The following ALMS1 variants were observed in gnomAD, a reference collection of about 807,000 sequenced individuals.
ALMS1 encodes the protein centrosome-associated protein ALMS1.
ALMS1 carries 271 observed loss-of-function variants against 352.2 expected under a neutral mutation model. The ratio of observed to expected loss-of-function variants is 0.77; its 90% CI spans 0.70 to 0.85. The LOEUF (loss-of-function observed/expected upper bound fraction) is 0.85. ALMS1 is among the 40% of genes least tolerant of loss of function. The pLI is 0.00. For missense variants in ALMS1, 5,445 were observed against 4,870.7 expected (o/e 1.12, Z -3.51); for synonymous variants, 1,865 against 1,761.2 (o/e 1.06, Z -1.48).
At chr2:73,567,776 A>T (rs770870304) in intron 15 of ALMS1, among the ~76,000 whole-genome samples, 4 of 152,210 alleles carry the variant, frequency 2.6e-5, no homozygotes, top group Non-Finnish European at 5.9e-5. Context: ...TAAAAAAGAG[A>T]TCATAAAAGT....
intron 10 of ALMS1, among the ~76,000 whole-genome samples, chr2:73,513,369 T>C (rs532743164): frequency 1.3e-5 from 2 of 152,250 alleles, no homozygotes; most frequent in South Asian, 4.1e-4. Context: ...ATGGATTTCT[T>C]CCTCATGCTG....
At chr2:73,443,515 A>G (rs1324770221) in intron 7 of ALMS1, among the ~76,000 whole-genome samples, 1 of 152,108 alleles carries the variant, frequency 6.6e-6, no homozygotes, top group Admixed American at 6.5e-5. Context: ...CTCCTTACAT[A>G]TGTTGCTATA....
At chr2:73,544,808 G>A (rs1200222585) in intron 12 of ALMS1, among the ~76,000 whole-genome samples, 1 of 152,176 alleles carries the variant, frequency 6.6e-6, no homozygotes, top group Non-Finnish European at 1.5e-5. Context: ...ACAACCCAAT[G>A]TCTATTGATC....
intron 7 of ALMS1, among the ~76,000 whole-genome samples, chr2:73,434,727 T>TC (rs1424997116): frequency 9.2e-5 from 14 of 152,232 alleles, no homozygotes; most frequent in African/African-American, 2.7e-4. Flanking sequence ...TCCCCTTTTT[T>TC]CTCTCAGATT....
intron 16 of ALMS1, 173 bp downstream of exon 16, chr2:73,573,597 T>C: frequency 1.4e-6 from 1 of 727,634 alleles, no homozygotes; most frequent in Non-Finnish European, 2.4e-6. Context: ...TGAGTTGTCA[T>C]TATTTTCATC....
rs148044176 is a variant in ALMS1, at chr2:73,572,694, G to T, written c.10817G>T (p.Arg3606Leu). 2 of 1,613,994 alleles carry T rather than the reference G, an allele frequency of 1.2e-6. No homozygotes were observed. The highest frequency in any genetic ancestry group is 4.5e-5 in the East Asian group (2 of 44,868). Reference sequence around the variant, plus strand: ...TTGAATGAACTGTGGAACAAGTATCGGGAGCGACAGAGGCAACAGAGACAG... The same window carrying T: ...TTGAATGAACTGTGGAACAAGTATCTGGAGCGACAGAGGCAACAGAGACAG... ...VSLNELWNKY[R>L]ERQRQQRQPE... Residue 3606 changes from arginine to leucine, a missense_variant, in exon 16 of 23, where the codon CGG becomes CTG. Coordinates refer to ENST00000613296, the MANE Select transcript of ALMS1 (RefSeq NM_001378454.1).
intron 11 of ALMS1, among the ~76,000 whole-genome samples, chr2:73,523,097 C>A (rs1309571433): frequency 1.3e-5 from 2 of 152,084 alleles, no homozygotes; most frequent in Admixed American, 1.3e-4. Flanking sequence ...TTGTTTGTTC[C>A]CAAATGCATG....
chr2:73,510,782 G>A (rs1031973577), intron 10 of ALMS1, among the ~76,000 whole-genome samples: 1 of 152,214 alleles, frequency 6.6e-6, no homozygotes, highest in Non-Finnish European at 1.5e-5. Context: ...CTGGCAGGCA[G>A]GAACGTTTAA....
intron 16 of ALMS1, among the ~76,000 whole-genome samples, chr2:73,575,217 A>T (rs534494071): frequency 6.6e-6 from 1 of 152,138 alleles, no homozygotes; most frequent in Non-Finnish European, 1.5e-5. Flanking sequence ...AATAGAATTG[A>T]TATAGAACGT....
chr2:73,584,839 T>C (rs1408693720), intron 16 of ALMS1, among the ~76,000 whole-genome samples: 1 of 151,864 alleles, frequency 6.6e-6, no homozygotes, highest in Non-Finnish European at 1.5e-5. Flanking sequence ...TTCCTTTGTA[T>C]CCTCATAACT....
chr2:73,532,873 C>T (rs1478529953), intron 11 of ALMS1, among the ~76,000 whole-genome samples: 2 of 152,214 alleles, frequency 1.3e-5, no homozygotes, highest in African/African-American at 4.8e-5. Flanking sequence ...CTGAGTCTCA[C>T]CCAGGTGAGT....
At chr2:73,459,219 A>G (rs1284357882) in intron 9 of ALMS1, 1 of 152,198 alleles carries the variant, frequency 6.6e-6, no homozygotes, top group Non-Finnish European at 1.5e-5. Flanking sequence ...ATTTTTATGT[A>G]GGAAAGCCAC....
Position 73,489,912 on chromosome 2 carries a change from T to C in ALMS1, c.7953T>C (p.His2651=). The C allele has an allele frequency of 6.2e-7, 1 of 1,614,220 alleles. No individual in the cohort carries two copies. Among genetic ancestry groups the C allele is most frequent in the Non-Finnish European group, 8.5e-7 (1 of 1,180,036 alleles). The change falls in exon 10 of 23, where the codon CAT becomes CAC. Residue 2651 remains histidine (H), a synonymous_variant. Transcript: ENST00000613296. The part of the protein sequence containing the change: ...KVWNSLQLKS[H]SPFQNFIPDE... Reference sequence around the variant, plus strand: ...GGAATTCCTTGCAGTTAAAAAGTCATTCCCCATTTCAGAACTTTATACCTG... The same window carrying C: ...GGAATTCCTTGCAGTTAAAAAGTCACTCCCCATTTCAGAACTTTATACCTG...
chr2:73,533,589 G>A (rs553334760), intron 11 of ALMS1, among the ~76,000 whole-genome samples: 1 of 152,284 alleles, frequency 6.6e-6, no homozygotes, highest in African/African-American at 2.4e-5. Context: ...TTACCCATAT[G>A]TTCACACATG....
intron 1 of ALMS1, among the ~76,000 whole-genome samples, chr2:73,396,307 C>CACAT (rs1481628060): frequency 8.1e-4 from 118 of 146,132 alleles, no homozygotes; most frequent in Middle Eastern, 3.5e-3. Flanking sequence ...TAGAAATACA[C>CACAT]ACACACACAC....
Position 73,450,999 on chromosome 2 carries a change from C to T in ALMS1, c.4472C>T (p.Pro1491Leu), listed in dbSNP as rs983373269. 2.5e-6 allele frequency: 4 copies of T among 1,613,862 alleles called. No homozygotes were observed. The highest frequency in any genetic ancestry group is 8.5e-7 in the Non-Finnish European group (1 of 1,179,946). ...KPIVIYKQAF[P>L]EGHLPEESLK... is the part of the protein sequence containing the mutation. Reference sequence around the variant, plus strand: ...ATTGTTATCTACAAACAGGCCTTTCCAGAGGGTCATCTACCTGAAGAGTCT... The same window carrying T: ...ATTGTTATCTACAAACAGGCCTTTCTAGAGGGTCATCTACCTGAAGAGTCT... The change falls in exon 8 of 23, where the codon CCA (proline) becomes CTA (leucine). Residue 1491 changes from proline to leucine, a missense_variant. Coordinates refer to ENST00000613296, the MANE Select transcript of ALMS1 (RefSeq NM_001378454.1).
chr2:73,545,494 A>G (rs1389637448), intron 12 of ALMS1, among the ~76,000 whole-genome samples: 1 of 152,180 alleles, frequency 6.6e-6, no homozygotes, highest in Non-Finnish European at 1.5e-5. Flanking sequence ...GTTACATTTT[A>G]TGTATATTTT....
intron 21 of ALMS1, among the ~76,000 whole-genome samples, chr2:73,604,817 C>T (rs1424144289): frequency 6.6e-6 from 1 of 152,098 alleles, no homozygotes. Flanking sequence ...ACTGATGATG[C>T]AAGAGAAATG....
At chr2:73,499,796 C>A in intron 10 of ALMS1, among the ~76,000 whole-genome samples, 1 of 152,098 alleles carries the variant, frequency 6.6e-6, no homozygotes, top group East Asian at 1.9e-4. Flanking sequence ...AGTGACCTCC[C>A]TGTGGTAATG....
Sources: allele counts gnomAD v4.1 joint callset (sites outside exome capture counted in the v4.1 genomes callset), GRCh38; gene constraint gnomAD v4.1.1; transcripts MANE v1.5; gene names NCBI Gene and HGNC (gene_info 2026-07-23, HGNC 2026-07-21).